The following ENOX2 variants were observed in gnomAD, a reference collection of about 807,000 sequenced individuals.
ENOX2 encodes the protein APK1 antigen.
In ENOX2, 36 loss-of-function variants were observed where a neutral mutation model predicts 45.0. The ratio of observed to expected loss-of-function variants is 0.80; its 90% CI spans 0.61 to 1.06. ENOX2 has a LOEUF of 1.06. ENOX2 is among the 50% of genes least tolerant of loss of function. The pLI, the probability that ENOX2 is intolerant of heterozygous loss-of-function variation, is 0.00. For synonymous variants in ENOX2, 174 were observed against 152.3 expected, an observed-to-expected ratio of 1.14 and a Z score of -1.05; for missense variants, 423 against 462.5, an observed-to-expected ratio of 0.91 and a Z score of 0.78.
At chrX:130,657,045 C>T (rs189112425) in intron 9 of ENOX2, among the ~76,000 whole-genome samples, 8 of 111,694 alleles carry the variant, frequency 7.2e-5, no homozygotes, top group East Asian at 2.8e-4. Flanking sequence ...CACCTCCCCA[C>T]GTTGGACCCT....
intron 4 of ENOX2, among the ~76,000 whole-genome samples, chrX:130,701,793 G>A (rs1212439911): frequency 8.9e-6 from 1 of 111,938 alleles, no homozygotes; most frequent in Non-Finnish European, 1.9e-5. Flanking sequence ...CAAAACTTAA[G>A]GAGATCCATG....
rs866325618 is a variant in ENOX2 at position 130,670,213 on chromosome X, G to A, written c.461-15C>T. 9.0e-7 allele frequency: 1 copy of A among 1,110,850 alleles called. No homozygotes were observed. The highest frequency in any genetic ancestry group is 1.2e-6 in the Non-Finnish European group (1 of 805,678). The allele number at this position is 1,110,850 out of a possible 1,213,427, so 91.5% of individuals were successfully genotyped here. On this transcript the variant is annotated splice_polypyrimidine_tract_variant and intron_variant, in intron 6 of 14. Transcript: ENST00000394363. ...AATGCGGTAACCTAAGTCCACAGGA[G>A]GGTGAAAGGGAGAGGAGAGAGGGAG... is the stretch of plus-strand genomic sequence containing the variant.
At chrX:130,820,649 C>G (rs981632563) in intron 2 of ENOX2, among the ~76,000 whole-genome samples, 26 of 112,569 alleles carry the variant, frequency 2.3e-4, no homozygotes, top group East Asian at 2.8e-4. Flanking sequence ...GAAATCTTGT[C>G]ATTTGCCAAC....
At chrX:130,899,679 G>T (rs967696533) in intron 2 of ENOX2, among the ~76,000 whole-genome samples, 1 of 112,140 alleles carries the variant, frequency 8.9e-6, no homozygotes, top group Admixed American at 9.4e-5. Flanking sequence ...ACAGATCATG[G>T]TCATATTCCT....
intron 2 of ENOX2, among the ~76,000 whole-genome samples, chrX:130,791,597 G>C (rs1334822572): frequency 8.9e-6 from 1 of 111,809 alleles, no homozygotes; most frequent in Admixed American, 9.5e-5. Context: ...TTTTCAACGC[G>C]CTTATCAGAT....
chrX:130,629,447 T>A (rs2035636252), intron 13 of ENOX2, among the ~76,000 whole-genome samples: 1 of 112,797 alleles, frequency 8.9e-6, no homozygotes, highest in South Asian at 3.6e-4. Flanking sequence ...AAGAAAGACT[T>A]ATTTTAAGAA....
At chrX:130,632,497 T>C (rs2035798099) in intron 12 of ENOX2, among the ~76,000 whole-genome samples, 1 of 110,475 alleles carries the variant, frequency 9.1e-6, no homozygotes, top group Admixed American at 9.7e-5. Flanking sequence ...TCTGTTATTA[T>C]AAATGTGAAG....
chrX:130,689,240 T>C (rs751474852), intron 4 of ENOX2, among the ~76,000 whole-genome samples: 1 of 112,103 alleles, frequency 8.9e-6, no homozygotes, highest in Non-Finnish European at 1.9e-5. Flanking sequence ...TTTAAGTCTC[T>C]GCATCTCATT....
At chrX:130,807,448 AG>A (rs2077322240) in intron 2 of ENOX2, among the ~76,000 whole-genome samples, 1 of 111,533 alleles carries the variant, frequency 9.0e-6, no homozygotes, top group Non-Finnish European at 1.9e-5. Context: ...CAGAGTTGGC[AG>A]GGACCTTGGC....
intron 2 of ENOX2, among the ~76,000 whole-genome samples, chrX:130,814,938 A>G (rs1033140694): frequency 9.0e-6 from 1 of 111,596 alleles, no homozygotes. Flanking sequence ...GTGGGTAATA[A>G]CAAACTCCTC....
intron 6 of ENOX2, among the ~76,000 whole-genome samples, chrX:130,676,991 C>T (rs2037170502): frequency 8.9e-6 from 1 of 111,984 alleles, no homozygotes; most frequent in Admixed American, 9.4e-5. Flanking sequence ...TATTTTGCCT[C>T]CTCCTCTCAT....
chrX:130,795,075 C>A (rs2077100352), intron 2 of ENOX2, among the ~76,000 whole-genome samples: 2 of 112,318 alleles, frequency 1.8e-5, no homozygotes, highest in East Asian at 5.6e-4. Flanking sequence ...AATCTTTTAG[C>A]CCCATTTGGG....
At chrX:130,687,837 C>T (rs1019517933) in intron 5 of ENOX2, among the ~76,000 whole-genome samples, 3 of 111,973 alleles carry the variant, frequency 2.7e-5, no homozygotes, top group Admixed American at 9.4e-5. Flanking sequence ...AAAATCCTCT[C>T]AGTTATGAGC....
chrX:130,846,934 G>A (rs1052552494), intron 2 of ENOX2, among the ~76,000 whole-genome samples: 1 of 112,429 alleles, frequency 8.9e-6, no homozygotes. Flanking sequence ...TATTGAGGAA[G>A]TAGAGTTTTT....
intron 3 of ENOX2, among the ~76,000 whole-genome samples, chrX:130,740,471 A>G (rs985794648): frequency 1.1e-4 from 12 of 111,874 alleles, no homozygotes; most frequent in Admixed American, 4.7e-4. Flanking sequence ...AGTCACAACA[A>G]TAAGTGCTAT....
intron 2 of ENOX2, among the ~76,000 whole-genome samples, chrX:130,847,386 A>G (rs950272774): frequency 8.9e-6 from 1 of 111,978 alleles, no homozygotes; most frequent in African/African-American, 3.2e-5. Flanking sequence ...GTTTGTAAAA[A>G]TATATTATTC....
chrX:130,656,596 C>A lies in ENOX2; in HGVS notation c.1114G>T (p.Glu372Ter). 1.8e-6 allele frequency: 2 copies of A among 1,126,028 alleles called. No individual in the cohort carries two copies. The highest frequency in any genetic ancestry group is 2.4e-6 in the Non-Finnish European group (2 of 821,425). The allele number at this position is 1,126,028 out of a possible 1,213,427, so 92.8% of individuals were successfully genotyped here. A position where few individuals can be genotyped will look rare whatever the true frequency, so the allele number is the denominator to read the frequency against. ...TTATCTTTACCTGATTCCTCAGTTT[C>A]TTTTGTTTCTGTCATTTCTTCTATT... ...DEIEEMTETK[E>*]TEESALVSQA... The change falls in exon 10 of 15, where the codon GAA becomes TAA. Residue 372 changes from glutamate to a stop codon, truncating the protein, a stop_gained. Coordinates refer to ENST00000394363, the MANE Select transcript of ENOX2 (RefSeq NM_006375.4). LOFTEE classifies it high-confidence loss of function.
intron 5 of ENOX2, among the ~76,000 whole-genome samples, chrX:130,686,991 A>G (rs1320495984): frequency 1.8e-5 from 2 of 111,082 alleles, no homozygotes; most frequent in East Asian, 2.8e-4. Flanking sequence ...CTGCCCTCTC[A>G]CTCTGTGAGA....
chrX:130,766,731 T>A (rs772654826), intron 3 of ENOX2, among the ~76,000 whole-genome samples: 4 of 111,906 alleles, frequency 3.6e-5, no homozygotes, highest in Admixed American at 9.5e-5. Flanking sequence ...CTGTCACACA[T>A]CAGACCTCCA....
Sources: allele counts gnomAD v4.1 joint callset (sites outside exome capture counted in the v4.1 genomes callset), GRCh38; gene constraint gnomAD v4.1.1; transcripts MANE v1.5; gene names NCBI Gene and HGNC (gene_info 2026-07-23, HGNC 2026-07-21).